Variants in SHANK2 observed in about 807,000 individuals in gnomAD.
SHANK2 encodes SH3 and multiple ankyrin repeat domains protein 2.
SHANK2 carries 43 observed loss-of-function variants against 133.7 expected under a neutral mutation model. The ratio of observed to expected loss-of-function variants is 0.32; its 90% CI spans 0.25 to 0.41. SHANK2 has a LOEUF of 0.41. Among genes scored for constraint, SHANK2 ranks in the 10% least tolerant of loss-of-function variants. The pLI is 1.00. For synonymous variants in SHANK2, 1,017 were observed against 952.8 expected, an observed-to-expected ratio of 1.07 and a Z score of -1.24; for missense variants, 1,994 against 2,235.8, an observed-to-expected ratio of 0.89 and a Z score of 2.18.
intron 17 of SHANK2, among the ~76,000 whole-genome samples, chr11:70,602,736 T>C (rs1344883192): frequency 3.3e-5 from 5 of 152,270 alleles, no homozygotes; most frequent in African/African-American, 9.6e-5. Flanking sequence ...TGGAATTATA[T>C]ATAAAATACA....
intron 11 of SHANK2, among the ~76,000 whole-genome samples, chr11:70,870,430 G>A (rs1238400720): frequency 2.0e-5 from 3 of 152,166 alleles, no homozygotes; most frequent in Admixed American, 2.0e-4. Context: ...CAGTTCCTGG[G>A]CCATAACTGA....
intron 17 of SHANK2, among the ~76,000 whole-genome samples, chr11:70,568,144 G>A (rs2059990603): frequency 6.6e-6 from 1 of 152,232 alleles, no homozygotes; most frequent in Admixed American, 6.5e-5. Flanking sequence ...TCAGGGCAAA[G>A]CTTCCAACAA....
intron 11 of SHANK2, among the ~76,000 whole-genome samples, chr11:70,891,619 G>A (rs942796723): frequency 6.6e-6 from 1 of 152,144 alleles, no homozygotes; most frequent in Non-Finnish European, 1.5e-5. Flanking sequence ...GCTCTGGGTG[G>A]ACAGCCTCCA....
In SHANK2 at chr11:70,665,292, C is replaced by T. The variant is rs557986997; in HGVS notation, c.1854-3614G>A. Among the ~76,000 whole-genome samples the T allele has an allele frequency of 3.3e-5, 5 of 152,144 alleles. No homozygotes were observed. The East Asian group carries it at 9.7e-4, about 29-fold the overall frequency. On this transcript the variant is annotated intron_variant, in intron 15 of 25. Transcript: ENST00000601538. ...AGTAGCTGGGACTACAGGCACACAC[C>T]ACCATGCCCAGCTAATTTTTAATTT...
chr11:71,200,164 T>C (rs1953989363), intron 2 of SHANK2, among the ~76,000 whole-genome samples: 1 of 152,210 alleles, frequency 6.6e-6, no homozygotes, highest in Non-Finnish European at 1.5e-5. Flanking sequence ...GTCTATTTTC[T>C]GCCTCTGTGG....
chr11:70,627,415 A>G (rs1383807915), intron 17 of SHANK2, among the ~76,000 whole-genome samples: 1 of 152,244 alleles, frequency 6.6e-6, no homozygotes, highest in Non-Finnish European at 1.5e-5. Context: ...AGCACCCAGC[A>G]GACCTGACAG....
At chr11:71,106,422 G>A (rs1315086834) in intron 6 of SHANK2, among the ~76,000 whole-genome samples, 1 of 152,026 alleles carries the variant, frequency 6.6e-6, no homozygotes, top group Non-Finnish European at 1.5e-5. Context: ...GGTCACATAG[G>A]GAGACCCCCA....
intron 12 of SHANK2, among the ~76,000 whole-genome samples, chr11:70,811,838 A>G (rs1948287147): frequency 6.6e-6 from 1 of 152,086 alleles, no homozygotes. Flanking sequence ...TCATTCATCC[A>G]TGCATCTACC....
intron 14 of SHANK2, among the ~76,000 whole-genome samples, chr11:70,774,662 T>C (rs897674203): frequency 3.3e-5 from 5 of 152,090 alleles, no homozygotes; most frequent in Non-Finnish European, 5.9e-5. Flanking sequence ...GTGATGCAAA[T>C]GCTCTGAGAT....
At chr11:70,888,967 A>G (rs1011218200) in intron 11 of SHANK2, among the ~76,000 whole-genome samples, 1 of 152,216 alleles carries the variant, frequency 6.6e-6, no homozygotes. Context: ...ATCAGATACC[A>G]TCTGTCCTTG....
chr11:71,133,346 A>ATGGATGGCTGGCTGGTTGGC (rs1172807204), intron 3 of SHANK2, among the ~76,000 whole-genome samples: 1 of 111,890 alleles, frequency 8.9e-6, no homozygotes, highest in African/African-American at 3.7e-5. Context: ...GGGAGGATGC[A>ATGGATGGCTGGCTGGTTGGC]TGGCTGGCTG....
At chr11:70,920,691 A>AG (rs2135758735) in intron 10 of SHANK2, among the ~76,000 whole-genome samples, 1 of 152,350 alleles carries the variant, frequency 6.6e-6, no homozygotes, top group Admixed American at 6.5e-5. Context: ...ACGCCACTGC[A>AG]GGGGAGAATC....
intron 17 of SHANK2, among the ~76,000 whole-genome samples, chr11:70,657,181 T>C (rs1258331235): frequency 1.3e-5 from 2 of 152,138 alleles, no homozygotes; most frequent in Admixed American, 6.5e-5. Context: ...CAAGGGCTGC[T>C]TGGGGTAAGG....
At chr11:71,149,493 A>G (rs1418926166) in intron 2 of SHANK2, among the ~76,000 whole-genome samples, 1 of 152,066 alleles carries the variant, frequency 6.6e-6, no homozygotes, top group Non-Finnish European at 1.5e-5. Flanking sequence ...AACCCAGCCC[A>G]AGCTGTAGGC....
chr11:70,624,976 C>A (rs1198299242), intron 17 of SHANK2, among the ~76,000 whole-genome samples: 1 of 152,198 alleles, frequency 6.6e-6, no homozygotes, highest in South Asian at 2.1e-4. Flanking sequence ...ACAAGACCAC[C>A]CTTCCTCAAT....
chr11:70,517,704 G>C, intron 17 of SHANK2, among the ~76,000 whole-genome samples: 1 of 152,332 alleles, frequency 6.6e-6, no homozygotes, highest in South Asian at 2.1e-4. Context: ...CAAGGGCTCA[G>C]GGGGAGGGAA....
chr11:70,816,206 C>T (rs1482948267), intron 12 of SHANK2, among the ~76,000 whole-genome samples: 3 of 152,216 alleles, frequency 2.0e-5, no homozygotes, highest in South Asian at 2.1e-4. Context: ...CTTAATCCAC[C>T]CAGCACACTC....
chr11:70,861,944 G>C (rs1949265302), intron 11 of SHANK2, among the ~76,000 whole-genome samples: 1 of 152,156 alleles, frequency 6.6e-6, no homozygotes, highest in South Asian at 2.1e-4. Context: ...TCTCGGAATA[G>C]TGGGACACAG....
chr11:70,917,313 T>C (rs933222520), intron 10 of SHANK2, among the ~76,000 whole-genome samples: 4 of 152,114 alleles, frequency 2.6e-5, no homozygotes. Context: ...CAGAATAAGA[T>C]ACCATCTCAT....
Sources: gnomAD v4.1 joint callset for allele counts (sites outside exome capture counted in the v4.1 genomes callset) on GRCh38, gnomAD v4.1.1 for gene constraint, MANE v1.5 for transcripts, NCBI Gene and HGNC (gene_info 2026-07-23, HGNC 2026-07-21) for gene names.